Variants in TSPAN19 observed in about 807,000 individuals in gnomAD.
The protein encoded by TSPAN19 is tetraspanin-19.
TSPAN19 carries 44 observed loss-of-function variants against 35.1 expected under a neutral mutation model. That is an observed-to-expected ratio of 1.25 (90% confidence interval 0.98 to 1.61). The LOEUF (loss-of-function observed/expected upper bound fraction) is 1.61. TSPAN19 is among the 40% of genes most tolerant of loss of function. The probability of loss-of-function intolerance (pLI) is 0.00; values close to 1 mark genes in which losing one functional copy is unlikely to be tolerated. For synonymous variants in TSPAN19, 79 were observed against 92.0 expected (o/e 0.86, Z 0.81); for missense variants, 290 against 280.0 (o/e 1.04, Z -0.26).
chr12:85,029,884 G>C lies in TSPAN19; in HGVS notation c.63C>G (p.Phe21Leu). Residue 21 changes from phenylalanine (F) to leucine (L), a missense_variant, in exon 2 of 9, where the codon TTC (phenylalanine) becomes TTG (leucine). By Grantham distance (22) the Phe-to-Leu change is conservative (BLOSUM62 0). Coordinates refer to ENST00000532498, the MANE Select transcript of TSPAN19 (RefSeq NM_001100917.2). ...KYFLNLINGA[F>L]LVLGLLFMGF... ...GTATAATTATGAAGATTCTTACCAAGAAAGCTCCATTAATGAGATTAAGAA... is the reference window on the plus strand; with the variant it reads ...GTATAATTATGAAGATTCTTACCAACAAAGCTCCATTAATGAGATTAAGAA... 6.7e-7 allele frequency: 1 copy of C among 1,490,460 alleles called. No homozygotes were observed. The highest frequency in any genetic ancestry group is 9.1e-7 in the Non-Finnish European group (1 of 1,100,284). 92.3% of individuals were successfully genotyped at this position (1,490,460 alleles called of 1,614,324 possible).
chr12:85,026,676 G>A (rs763475108), intron 4 of TSPAN19, among the ~76,000 whole-genome samples: 1 of 152,144 alleles, frequency 6.6e-6, no homozygotes, highest in Non-Finnish European at 1.5e-5. Context: ...CTCAGGGAAG[G>A]AAGACTGAAG....
At position 85,033,611 on chromosome 12, in the gene TSPAN19, G is replaced by T. The variant is rs6539880; in HGVS notation, c.-28+2593C>A. ...TATTCTACATTGTCTCATTTAAATT[G>T]ATTCCCTTTATCGTCGATATTTTGC... On this transcript the variant is annotated intron_variant, in intron 1 of 8. Coordinates refer to ENST00000532498, the MANE Select transcript of TSPAN19 (RefSeq NM_001100917.2). 3.2e-3 allele frequency among the ~76,000 whole-genome samples: 494 copies of T among 152,154 alleles called. 1 individual carries two copies. The highest frequency in any genetic ancestry group is 0.011 in the African/African-American group (455 of 41,532).
intron 3 of TSPAN19, among the ~76,000 whole-genome samples, 161 bp downstream of exon 3, chr12:85,029,558 T>A (rs1429792491): frequency 6.6e-6 from 1 of 152,078 alleles, no homozygotes; most frequent in African/African-American, 2.4e-5. Context: ...TAATTTTGTA[T>A]CCTTTAAAAA....
At chr12:85,024,411 T>G (rs1273308487) in intron 4 of TSPAN19, among the ~76,000 whole-genome samples, 2 of 152,186 alleles carry the variant, frequency 1.3e-5, no homozygotes, top group African/African-American at 4.8e-5. Context: ...CTGGCTCTAT[T>G]TTGTCTGGGT....
In TSPAN19 at chr12:85,017,613, T is replaced by C; in HGVS notation, c.451-14A>G. 1.3e-6 allele frequency: 2 copies of C among 1,528,016 alleles called. No individual in the cohort carries two copies. Among genetic ancestry groups the C allele is most frequent in the African/African-American group, 1.4e-5 (1 of 71,590 alleles). The allele number at this position is 1,528,016 out of a possible 1,614,324, so 94.7% of individuals were successfully genotyped here. A position where few individuals can be genotyped will look rare whatever the true frequency, so the allele number is the denominator to read the frequency against. ...ACAACACTGTAACTAGGAAAAAGCT[T>C]ATATGAATTTTACCATAAAATGTTC... On this transcript the variant is annotated splice_polypyrimidine_tract_variant and intron_variant, in intron 6 of 8. Transcript: ENST00000532498.
At chr12:85,019,821 C>T (rs937339049) in intron 5 of TSPAN19, 85 bp from the exon 6 acceptor site, 1 of 643,800 alleles carries the variant, frequency 1.6e-6, no homozygotes, top group South Asian at 2.3e-5. Flanking sequence ...CTCAAGAGTA[C>T]CATCATGAAA....
At chr12:85,025,396 T>A (rs1278371025) in intron 4 of TSPAN19, among the ~76,000 whole-genome samples, 2 of 152,270 alleles carry the variant, frequency 1.3e-5, no homozygotes, top group South Asian at 2.1e-4. Context: ...CACCTTGGCC[T>A]CCCAAATGGT....
intron 1 of TSPAN19, among the ~76,000 whole-genome samples, chr12:85,033,199 A>G (rs957371424): frequency 2.0e-5 from 3 of 152,058 alleles, no homozygotes; most frequent in Non-Finnish European, 2.9e-5. Flanking sequence ...TGGGAGAGAG[A>G]TAGGAAATAT....
intron 8 of TSPAN19, chr12:85,015,681 T>A (rs896544372): frequency 2.3e-6 from 1 of 431,910 alleles, no homozygotes; most frequent in Non-Finnish European, 4.1e-6. Flanking sequence ...ATAAAATCAC[T>A]ACCTCCAGGA....
At chr12:85,019,806 G>A in intron 5 of TSPAN19, 70 bp from the exon 6 acceptor site, 1 of 753,284 alleles carries the variant, frequency 1.3e-6, no homozygotes, top group East Asian at 2.6e-5. Context: ...AGAAATTGAT[G>A]GTTCCTCAAG....
At chr12:85,016,035 CA>C in intron 7 of TSPAN19, 64 bp from the exon 8 acceptor site, 1 of 1,050,276 alleles carries the variant, frequency 9.5e-7, no homozygotes. Flanking sequence ...TAAATCTTTA[CA>C]AAAAATAAAA....
rs976335369 is a variant in TSPAN19, at chr12:85,023,418, T to C, written c.265-18A>G. ...ACTGCATACTAAAACAAAAGAAAAATAGAGATGATGACTATGCTACTAATA... is the reference window on the plus strand; with the variant it reads ...ACTGCATACTAAAACAAAAGAAAAACAGAGATGATGACTATGCTACTAATA... On this transcript the variant is annotated intron_variant, in intron 4 of 8. Coordinates refer to ENST00000532498, the MANE Select transcript of TSPAN19 (RefSeq NM_001100917.2). 3.9e-6 allele frequency: 6 copies of C among 1,544,952 alleles called. 1 individual carries two copies. Among genetic ancestry groups the C allele is most frequent in the Middle Eastern group, 1.7e-4 (1 of 5,926 alleles).
chr12:85,017,701 A>C, intron 6 of TSPAN19, 102 bp from the exon 7 acceptor site: 4 of 826,966 alleles, frequency 4.8e-6, no homozygotes. Flanking sequence ...ATAACTCATT[A>C]ATTTTTCCCC....
At chr12:85,016,206 T>C in intron 7 of TSPAN19, 2 of 361,520 alleles carry the variant, frequency 5.5e-6, no homozygotes, top group Non-Finnish European at 9.9e-6. Flanking sequence ...AATCAGAAAT[T>C]TGTTACACTT....
chr12:85,021,095 T>A (rs936519406), intron 5 of TSPAN19, among the ~76,000 whole-genome samples: 5 of 152,198 alleles, frequency 3.3e-5, no homozygotes, highest in Admixed American at 3.3e-4. Context: ...TAATTTTTTA[T>A]AACAAATTAC....
chr12:85,034,234 C>T (rs1231334708), intron 1 of TSPAN19, among the ~76,000 whole-genome samples: 1 of 152,050 alleles, frequency 6.6e-6, no homozygotes, highest in Non-Finnish European at 1.5e-5. Flanking sequence ...AAAGAAATAC[C>T]TGCTCTGCAA....
chr12:85,033,137 AT>A, intron 1 of TSPAN19, among the ~76,000 whole-genome samples: 1 of 152,184 alleles, frequency 6.6e-6, no homozygotes, highest in East Asian at 1.9e-4. Flanking sequence ...AGAGAAGATG[AT>A]TTTGAGATGA....
chr12:85,017,305 T>G, intron 7 of TSPAN19, 151 bp downstream of exon 7: 1 of 648,036 alleles, frequency 1.5e-6, no homozygotes, highest in Non-Finnish European at 2.6e-6. Flanking sequence ...TTTACCTAAT[T>G]ACGTGTTCAA....
Position 85,029,891 on chromosome 12 carries a change from C to T in TSPAN19, c.56G>A (p.Gly19Glu), listed in dbSNP as rs956153443. The change falls in exon 2 of 9, where the codon GGA (glycine) becomes GAA (glutamate). Residue 19 changes from glycine to glutamate, a missense_variant. Gly to Glu is a moderately conservative substitution (Grantham distance 98). Transcript: ENST00000532498. ...TATGAAGATTCTTACCAAGAAAGCT[C>T]CATTAATGAGATTAAGAAAGTACTT... ...IIKYFLNLIN[G>E]AFLVLGLLFM... 2.0e-6 allele frequency: 3 copies of T among 1,487,504 alleles called. No homozygotes were observed. In the African/African-American group the frequency reaches 4.2e-5, roughly 21 times the overall value. 92.1% of individuals were successfully genotyped at this position (1,487,504 alleles called of 1,614,324 possible).
Sources: gnomAD v4.1 joint callset for allele counts (sites outside exome capture counted in the v4.1 genomes callset) on GRCh38, gnomAD v4.1.1 for gene constraint, MANE v1.5 for transcripts, NCBI Gene and HGNC (gene_info 2026-07-23, HGNC 2026-07-21) for gene names.